Variants in SEC22C observed in about 807,000 individuals in gnomAD.
SEC22C encodes vesicle-trafficking protein SEC22c.
Under a neutral mutation model 34.7 loss-of-function variants are expected in SEC22C, and 29 were observed. That is an observed-to-expected ratio of 0.84 (90% CI 0.62 to 1.14). The LOEUF (loss-of-function observed/expected upper bound fraction) is 1.14. Among genes scored for constraint, SEC22C ranks in the 50% most tolerant of loss-of-function variants. The pLI is 0.00. For synonymous variants in SEC22C, 117 were observed against 132.8 expected (o/e 0.88, Z 0.82); for missense variants, 337 against 369.0 (o/e 0.91, Z 0.71).
intron 1 of SEC22C, among the ~76,000 whole-genome samples, chr3:42,575,728 C>A (rs1263213980): frequency 1.3e-5 from 2 of 152,134 alleles, no homozygotes; most frequent in African/African-American, 4.8e-5. Context: ...AAACAGAAAT[C>A]AGCAAAGATT....
Position 42,554,247 on chromosome 3 carries a change from G to A in SEC22C, c.712-799C>T, listed in dbSNP as rs139964349. On this transcript the variant is annotated intron_variant, in intron 6 of 6. Transcript: ENST00000264454. Reference sequence around the variant, plus strand: ...CTGCAGTCCTAAAACATAGCTCTAGGAAACTGCCACTGGCTATGTCCAAGG... The same window carrying A: ...CTGCAGTCCTAAAACATAGCTCTAGAAAACTGCCACTGGCTATGTCCAAGG... Among the ~76,000 whole-genome samples the A allele has an allele frequency of 2.7e-4, 41 of 152,302 alleles. 1 individual carries two copies. The highest frequency in any genetic ancestry group is 8.4e-4 in the African/African-American group (35 of 41,570).
chr3:42,594,141 A>T (rs586082), intron 1 of SEC22C, among the ~76,000 whole-genome samples: 1 of 152,052 alleles, frequency 6.6e-6, no homozygotes, highest in Non-Finnish European at 1.5e-5. Flanking sequence ...TCAGGCTGTT[A>T]TGTGGAGAAT....
At chr3:42,587,454 T>A (rs1220149701) in intron 1 of SEC22C, 1 of 151,980 alleles carries the variant, frequency 6.6e-6, no homozygotes, top group East Asian at 1.9e-4. Context: ...TCAGTCCAGG[T>A]GCGGTGGCTC....
chr3:42,549,697 A>T lies in SEC22C; in HGVS notation c.*3551T>A. On this transcript the variant is annotated 3_prime_UTR_variant, in exon 7 of 7. Transcript: ENST00000264454. ...AGATGGTTTTCTCATCCCTCCAGAG[A>T]CTCCAGTTTCAGACTCTGTCTCCAG... 1.0e-6 allele frequency: 1 copy of T among 985,322 alleles called. No individual in the cohort carries two copies. The highest frequency in any genetic ancestry group is 4.7e-5 in the South Asian group (1 of 21,280). 61.0% of individuals were successfully genotyped at this position (985,322 alleles called of 1,614,324 possible).
chr3:42,580,788 C>G (rs1053780855), intron 1 of SEC22C, among the ~76,000 whole-genome samples: 1 of 152,196 alleles, frequency 6.6e-6, no homozygotes, highest in African/African-American at 2.4e-5. Context: ...TTGGGAATTA[C>G]AGCTACTCCC....
intron 1 of SEC22C, among the ~76,000 whole-genome samples, chr3:42,593,754 G>C (rs1281720750): frequency 1.3e-5 from 2 of 152,152 alleles, no homozygotes; most frequent in Non-Finnish European, 2.9e-5. Context: ...CAGAGTAAGT[G>C]GGGGGAGGAG....
chr3:42,552,380 G>C lies in SEC22C; in HGVS notation c.*868C>G, dbSNP rs534212671. 1 of 985,196 alleles carries C rather than the reference G, an allele frequency of 1.0e-6. No individual in the cohort carries two copies. Among genetic ancestry groups the C allele is most frequent in the Non-Finnish European group, 1.2e-6 (1 of 829,916 alleles). The allele number at this position is 985,196 out of a possible 1,614,324, so 61.0% of individuals were successfully genotyped here. On this transcript the variant is annotated 3_prime_UTR_variant, in exon 7 of 7. Coordinates refer to ENST00000264454, the MANE Select transcript of SEC22C (RefSeq NM_032970.4). The stretch of plus-strand genomic sequence containing the variant: ...CTGATGACAGCAGCCCCTCCCAAGC[G>C]GATCTGTAAAGTGCCACTGAATCCA...
intron 1 of SEC22C, among the ~76,000 whole-genome samples, chr3:42,576,321 A>G (rs1577346108): frequency 6.6e-6 from 1 of 152,180 alleles, no homozygotes; most frequent in East Asian, 1.9e-4. Flanking sequence ...AATAAACTTA[A>G]ATCACAAACA....
chr3:42,591,622 GC>G (rs1341625695), intron 1 of SEC22C: 2 of 1,574,022 alleles, frequency 1.3e-6, no homozygotes, highest in African/African-American at 1.3e-5. Flanking sequence ...CCACCCCCGC[GC>G]CCCTGACCTG....
In SEC22C at chr3:42,588,041, C is replaced by T. The variant is rs191678447; in HGVS notation, c.-28+12919G>A. Among the ~76,000 whole-genome samples the T allele has an allele frequency of 2.0e-3, 300 of 151,678 alleles. 1 individual carries two copies. Among genetic ancestry groups the T allele is most frequent in the African/African-American group, 6.8e-3 (281 of 41,270 alleles). On this transcript the variant is annotated intron_variant, in intron 1 of 6. Coordinates refer to the SEC22C transcript ENST00000417572. Reference sequence around the variant, plus strand: ...TGAGCCGAGATTGCACCATTGCACTCCAGCCTGGGCAACAAGAGTGAAACT... The same window carrying T: ...TGAGCCGAGATTGCACCATTGCACTTCAGCCTGGGCAACAAGAGTGAAACT...
At chr3:42,579,254 G>C (rs1704158552) in intron 1 of SEC22C, among the ~76,000 whole-genome samples, 1 of 151,994 alleles carries the variant, frequency 6.6e-6, no homozygotes, top group Non-Finnish European at 1.5e-5. Flanking sequence ...TCCAGCCTGG[G>C]CAACAAGAGC....
intron 6 of SEC22C, among the ~76,000 whole-genome samples, chr3:42,554,873 A>C (rs1157554226): frequency 6.6e-6 from 1 of 152,118 alleles, no homozygotes; most frequent in African/African-American, 2.4e-5. Context: ...CCCTTAGTAC[A>C]CAGCTTATAT....
intron 1 of SEC22C, among the ~76,000 whole-genome samples, chr3:42,596,933 A>C (rs1705047896): frequency 6.6e-6 from 1 of 152,232 alleles, no homozygotes; most frequent in Non-Finnish European, 1.5e-5. Flanking sequence ...TGAGCTCTAA[A>C]ACCTATTTAC....
intron 1 of SEC22C, among the ~76,000 whole-genome samples, chr3:42,572,085 G>T (rs1014732626): frequency 2.6e-5 from 4 of 152,048 alleles, no homozygotes; most frequent in African/African-American, 9.7e-5. Flanking sequence ...ACTGGCTAGG[G>T]ACCTTGGGGT....
chr3:42,598,968 T>C (rs777199403), intron 1 of SEC22C, among the ~76,000 whole-genome samples: 3 of 150,814 alleles, frequency 2.0e-5, no homozygotes, highest in Non-Finnish European at 4.4e-5. Context: ...GATCTATAGA[T>C]AGATTTTTTT....
intron 2 of SEC22C, 83 bp from the exon 3 acceptor site, chr3:42,563,769 A>G: frequency 1.3e-6 from 2 of 1,593,516 alleles, no homozygotes; most frequent in Non-Finnish European, 1.7e-6. Flanking sequence ...CCTTACCTGA[A>G]TTCTGCACTT....
At chr3:42,574,792 A>G (rs1179152021) in intron 1 of SEC22C, among the ~76,000 whole-genome samples, 1 of 152,318 alleles carries the variant, frequency 6.6e-6, no homozygotes, top group South Asian at 2.1e-4. Flanking sequence ...ACAAAGAGAT[A>G]TACTAAAAAA....
At chr3:42,566,026 C>CT in intron 2 of SEC22C, 1 of 388,866 alleles carries the variant, frequency 2.6e-6, no homozygotes, top group Non-Finnish European at 5.0e-6. Flanking sequence ...TCTTAGACTT[C>CT]TTTTTTCTGT....
intron 2 of SEC22C, 168 bp from the exon 3 acceptor site, chr3:42,563,854 GTCTT>G: frequency 6.6e-7 from 1 of 1,508,672 alleles, no homozygotes; most frequent in Non-Finnish European, 8.9e-7. Context: ...TCCTGAGACT[GTCTT>G]TCTTCCGCTT....
Sources: allele counts gnomAD v4.1 joint callset (sites outside exome capture counted in the v4.1 genomes callset), GRCh38; gene constraint gnomAD v4.1.1; transcripts MANE v1.5; gene names NCBI Gene and HGNC (gene_info 2026-07-23, HGNC 2026-07-21).